PTPRD: variants seen among roughly 807,000 people sequenced by gnomAD.
PTPRD encodes protein tyrosine phosphatase receptor type D.
In PTPRD, 34 loss-of-function variants were observed where a neutral mutation model predicts 214.5. The ratio of observed to expected loss-of-function variants is 0.16; its 90% CI spans 0.12 to 0.21. The LOEUF (loss-of-function observed/expected upper bound fraction) is 0.21, where lower values mean the gene tolerates loss of function less well. Ranked by LOEUF, PTPRD falls within the 10% of genes least tolerant of loss-of-function variation. The pLI, the probability that PTPRD is intolerant of heterozygous loss-of-function variation, is 1.00. For missense variants in PTPRD, 2,545 were observed against 2,398.7 expected (o/e 1.06, Z -1.27); for synonymous variants, 1,128 against 845.7 (o/e 1.33, Z -5.79).
chr9:10,205,358 C>T (rs950936350), intron 3 of PTPRD, among the ~76,000 whole-genome samples: 2 of 149,992 alleles, frequency 1.3e-5, no homozygotes, highest in African/African-American at 4.9e-5. Context: ...GGCCACAATT[C>T]TTCTTCTTCT....
At chr9:10,231,966 G>C (rs2099611852) in intron 3 of PTPRD, among the ~76,000 whole-genome samples, 1 of 48,920 alleles carries the variant, frequency 2.0e-5, no homozygotes, top group East Asian at 9.1e-4. Flanking sequence ...TAGAGAGAGA[G>C]AGAGAGAGAG....
chr9:9,391,994 C>G (rs945444481), intron 9 of PTPRD, among the ~76,000 whole-genome samples: 1 of 151,982 alleles, frequency 6.6e-6, no homozygotes, highest in African/African-American at 2.4e-5. Context: ...GGTGTTGATC[C>G]TTACTACTCT....
chr9:10,310,142 A>T (rs2096228008), intron 3 of PTPRD, among the ~76,000 whole-genome samples: 1 of 152,082 alleles, frequency 6.6e-6, no homozygotes, highest in Non-Finnish European at 1.5e-5. Flanking sequence ...ACTTAAAATC[A>T]TGTAAGAATA....
chr9:8,349,748 T>C (rs2074901214), intron 39 of PTPRD, among the ~76,000 whole-genome samples: 1 of 152,058 alleles, frequency 6.6e-6, no homozygotes, highest in African/African-American at 2.4e-5. Flanking sequence ...TTACAGAAAA[T>C]TCCAGCAAAA....
chr9:10,527,690 T>C (rs558542929), intron 2 of PTPRD, among the ~76,000 whole-genome samples: 2 of 152,292 alleles, frequency 1.3e-5, no homozygotes, highest in South Asian at 4.1e-4. Context: ...GTAATCACCA[T>C]AAGAAGATTC....
chr9:9,088,135 G>A (rs2099770084), intron 10 of PTPRD, among the ~76,000 whole-genome samples: 1 of 150,862 alleles, frequency 6.6e-6, no homozygotes, highest in African/African-American at 2.4e-5. Flanking sequence ...GCTCGCCTCA[G>A]CCTTCCAAAG....
At chr9:10,525,140 T>A (rs2053853275) in intron 2 of PTPRD, among the ~76,000 whole-genome samples, 1 of 152,164 alleles carries the variant, frequency 6.6e-6, no homozygotes, top group Non-Finnish European at 1.5e-5. Flanking sequence ...GTTAGTACAT[T>A]TATCCAAATT....
chr9:9,268,899 G>C (rs956197752), intron 9 of PTPRD, among the ~76,000 whole-genome samples: 4 of 147,606 alleles, frequency 2.7e-5, no homozygotes, highest in African/African-American at 5.0e-5. Flanking sequence ...TAAAGCCATA[G>C]AATTCCAGAA....
chr9:9,360,456 A>G (rs576940594), intron 9 of PTPRD, among the ~76,000 whole-genome samples: 25 of 151,304 alleles, frequency 1.7e-4, no homozygotes, highest in African/African-American at 6.0e-4. Context: ...TTTCCTGAAA[A>G]TAAATATTGA....
At chr9:8,642,815 T>C (rs2096606514) in intron 12 of PTPRD, among the ~76,000 whole-genome samples, 1 of 152,186 alleles carries the variant, frequency 6.6e-6, no homozygotes, top group Admixed American at 6.5e-5. Context: ...TTTGTTATAA[T>C]TAGCTTCATT....
intron 7 of PTPRD, among the ~76,000 whole-genome samples, chr9:9,629,174 A>AAAAT (rs1211181322): frequency 6.6e-6 from 1 of 151,162 alleles, no homozygotes; most frequent in Non-Finnish European, 1.5e-5. Context: ...ACTCTGTGAA[A>AAAAT]AAATAAATAA....
chr9:10,125,630 G>GTA (rs1041342699), intron 3 of PTPRD, among the ~76,000 whole-genome samples: 1 of 147,308 alleles, frequency 6.8e-6, no homozygotes, highest in Non-Finnish European at 1.5e-5. Flanking sequence ...AATTGTGTGT[G>GTA]TGTGTGTGTG....
At chr9:9,316,586 A>G (rs892932267) in intron 9 of PTPRD, among the ~76,000 whole-genome samples, 6 of 152,112 alleles carry the variant, frequency 3.9e-5, no homozygotes, top group African/African-American at 1.4e-4. Flanking sequence ...GAATCTTCCA[A>G]TGGGCTTTTG....
At chr9:9,383,524 G>A (rs1161427903) in intron 9 of PTPRD, among the ~76,000 whole-genome samples, 1 of 152,036 alleles carries the variant, frequency 6.6e-6, no homozygotes. Flanking sequence ...TTATTTGATT[G>A]AGGCAATGCC....
intron 4 of PTPRD, 120 bp from the exon 5 acceptor site, chr9:9,938,730 G>C (rs1339536185): frequency 6.6e-6 from 1 of 152,078 alleles, no homozygotes; most frequent in African/African-American, 2.4e-5. Context: ...CAACACAAAG[G>C]AAAGAAGTAT....
At chr9:9,462,519 T>A (rs893007989) in intron 8 of PTPRD, among the ~76,000 whole-genome samples, 1 of 152,118 alleles carries the variant, frequency 6.6e-6, no homozygotes, top group Non-Finnish European at 1.5e-5. Context: ...ATAAGTTAAA[T>A]CAGATTTTTA....
intron 14 of PTPRD, among the ~76,000 whole-genome samples, chr9:8,621,505 G>C (rs147930216): frequency 3.3e-5 from 5 of 152,002 alleles, no homozygotes; most frequent in African/African-American, 1.2e-4. Flanking sequence ...AGTCCTACTG[G>C]GCAGCATTTA....
At chr9:8,698,004 G>T (rs28420206) in intron 12 of PTPRD, among the ~76,000 whole-genome samples, 3 of 152,094 alleles carry the variant, frequency 2.0e-5, no homozygotes, top group African/African-American at 7.2e-5. Context: ...GTCATTCACA[G>T]TCCTCTGTAG....
chr9:8,709,135 G>T (rs375968491), intron 12 of PTPRD, among the ~76,000 whole-genome samples: 1 of 152,002 alleles, frequency 6.6e-6, no homozygotes, highest in East Asian at 1.9e-4. Flanking sequence ...GTCAAAGGAC[G>T]CAAAATTTTA....
Sources: allele counts gnomAD v4.1 joint callset (sites outside exome capture counted in the v4.1 genomes callset), GRCh38; gene constraint gnomAD v4.1.1; transcripts MANE v1.5; gene names NCBI Gene and HGNC (gene_info 2026-07-23, HGNC 2026-07-21).